The following SLC29A3 variants were observed in gnomAD, a reference collection of about 807,000 sequenced individuals.
SLC29A3 encodes the protein equilibrative nucleoside transporter 3.
Under a neutral mutation model 25.4 loss-of-function variants are expected in SLC29A3, and 18 were observed. The ratio of observed to expected loss-of-function variants is 0.71; its 90% confidence interval spans 0.49 to 1.05. The LOEUF is 1.05. Among genes scored for constraint, SLC29A3 ranks in the 50% least tolerant of loss-of-function variants. The pLI, the probability that SLC29A3 is intolerant of heterozygous loss-of-function variation, is 0.00. For missense variants in SLC29A3, 586 were observed against 609.0 expected (o/e 0.96, Z 0.40); for synonymous variants, 258 against 267.1 (o/e 0.97, Z 0.33).
chr10:71,349,621 C>T (rs1016444625), intron 3 of SLC29A3, among the ~76,000 whole-genome samples: 2 of 151,980 alleles, frequency 1.3e-5, no homozygotes, highest in Non-Finnish European at 2.9e-5. Context: ...GATGACTAGG[C>T]GAAGGAATGT....
chr10:71,356,223 G>C lies in SLC29A3; in HGVS notation c.753G>C (p.Leu251=), dbSNP rs143843071. The C allele has an allele frequency of 1.9e-6, 3 of 1,613,870 alleles. No homozygotes were observed. The highest frequency in any genetic ancestry group is 2.5e-6 in the Non-Finnish European group (3 of 1,180,000). The change falls in exon 5 of 6, where the codon CTG becomes CTC. Residue 251 remains leucine (L), a synonymous_variant. Transcript: ENST00000373189. ...LVLCMGLYLL[L]SRLEYARYYM... Reference sequence around the variant, plus strand: ...TCTGCATGGGACTCTACCTGCTGCTGTCCAGGCTGGAGTATGCCAGGTGAA... The same window carrying C: ...TCTGCATGGGACTCTACCTGCTGCTCTCCAGGCTGGAGTATGCCAGGTGAA...
chr10:71,348,324 TC>T (rs1211221392), intron 3 of SLC29A3, among the ~76,000 whole-genome samples: 6 of 152,224 alleles, frequency 3.9e-5, no homozygotes, highest in Non-Finnish European at 4.4e-5. Context: ...AACCTCTCTC[TC>T]CACTTGAATT....
chr10:71,325,423 C>T (rs1299782574), intron 2 of SLC29A3, among the ~76,000 whole-genome samples: 2 of 152,154 alleles, frequency 1.3e-5, no homozygotes, highest in East Asian at 1.9e-4. Context: ...GCACATTACC[C>T]GTCCGATGAA....
chr10:71,374,412 A>C (rs1166413135), intron 3 of SLC29A3, among the ~76,000 whole-genome samples: 2 of 152,164 alleles, frequency 1.3e-5, no homozygotes, highest in Non-Finnish European at 2.9e-5. Context: ...TTTACCTCTT[A>C]AGAGGTTTCA....
At chr10:71,370,204 T>C (rs1011795865) in intron 3 of SLC29A3, among the ~76,000 whole-genome samples, 4 of 152,196 alleles carry the variant, frequency 2.6e-5, no homozygotes, top group Non-Finnish European at 5.9e-5. Context: ...GGATCTCAGG[T>C]GCCACATGCC....
intron 2 of SLC29A3, among the ~76,000 whole-genome samples, chr10:71,338,766 GAAAA>G (rs973167905): frequency 6.6e-6 from 1 of 151,134 alleles, no homozygotes; most frequent in African/African-American, 2.4e-5. Context: ...CGAAAAAAAA[GAAAA>G]AAAAATCAAA....
intron 2 of SLC29A3, among the ~76,000 whole-genome samples, chr10:71,334,545 T>G (rs193022197): frequency 3.1e-4 from 47 of 152,344 alleles, no homozygotes; most frequent in Middle Eastern, 6.8e-3. Context: ...AGATGGGCAG[T>G]TCCATAAAGG....
At chr10:71,361,811 CAG>C in intron 5 of SLC29A3, 141 bp from the exon 6 acceptor site, 1 of 957,886 alleles carries the variant, frequency 1.0e-6, no homozygotes, top group Non-Finnish European at 1.6e-6. Flanking sequence ...TCTGTCATCT[CAG>C]GGAACGCTGG....
In SLC29A3 at chr10:71,362,541, C is replaced by T; in HGVS notation, c.1361C>T (p.Ser454Phe). 1 of 1,614,168 alleles carries T rather than the reference C, an allele frequency of 6.2e-7. No homozygotes were observed. Residue 454 changes from serine (S) to phenylalanine (F), a missense_variant, in exon 6 of 6, where the codon TCC becomes TTC. By Grantham distance (155) the Ser-to-Phe change is radical. Transcript: ENST00000373189. ...GCTGAGGCCACGGGAGTGGTGATGT[C>T]CTTTTATGTGTGCTTGGGCTTAACA... is the stretch of plus-strand genomic sequence containing the variant. ...ELAEATGVVMSFYVCLGLTLG... is the reference protein window; with the variant it reads ...ELAEATGVVMFFYVCLGLTLG...
intron 5 of SLC29A3, among the ~76,000 whole-genome samples, chr10:71,361,318 T>C (rs757018766): frequency 1.3e-5 from 2 of 151,828 alleles, no homozygotes; most frequent in Admixed American, 6.5e-5. Context: ...TCTTTTATTT[T>C]ACAATTATTA....
intron 2 of SLC29A3, among the ~76,000 whole-genome samples, chr10:71,336,648 G>A (rs1203338720): frequency 2.0e-5 from 3 of 151,768 alleles, no homozygotes; most frequent in African/African-American, 7.3e-5. Context: ...CAGCAGTGAG[G>A]GAAAGAGAAA....
chr10:71,342,293 A>G (rs1199067502), intron 2 of SLC29A3, among the ~76,000 whole-genome samples: 1 of 152,110 alleles, frequency 6.6e-6, no homozygotes, highest in Admixed American at 6.5e-5. Flanking sequence ...TCCTGTCACC[A>G]TGTGCATCTC....
At chr10:71,319,408 G>A in intron 1 of SLC29A3, 98 bp downstream of exon 1, 1 of 533,890 alleles carries the variant, frequency 1.9e-6, no homozygotes, top group Non-Finnish European at 3.3e-6. Context: ...GGCGGCTGCG[G>A]GCTGCCAGGG....
At chr10:71,356,670 T>TA (rs1050316932) in intron 5 of SLC29A3, among the ~76,000 whole-genome samples, 1 of 151,814 alleles carries the variant, frequency 6.6e-6, no homozygotes, top group Non-Finnish European at 1.5e-5. Context: ...CTACAAAAAA[T>TA]AAAAAATTAG....
chr10:71,323,157 A>T, intron 2 of SLC29A3, 103 bp downstream of exon 2: 1 of 1,444,034 alleles, frequency 6.9e-7, no homozygotes, highest in East Asian at 2.3e-5. Context: ...CAGCCTTTAG[A>T]TCACTTACTG....
At chr10:71,329,237 G>A in intron 2 of SLC29A3, among the ~76,000 whole-genome samples, 1 of 152,164 alleles carries the variant, frequency 6.6e-6, no homozygotes, top group Admixed American at 6.5e-5. Flanking sequence ...TAACCAGCGT[G>A]TTCTCCAAGC....
chr10:71,367,577 C>A (rs1166034044), downstream of SLC29A3, among the ~76,000 whole-genome samples: 1 of 152,202 alleles, frequency 6.6e-6, no homozygotes, highest in African/African-American at 2.4e-5. Context: ...ACAGTGCACA[C>A]CCCCTACTGC....
chr10:71,361,871 T>G, intron 5 of SLC29A3, 83 bp from the exon 6 acceptor site: 1 of 1,541,984 alleles, frequency 6.5e-7, no homozygotes, highest in Non-Finnish European at 8.9e-7. Context: ...GCTGGAAGGT[T>G]CTGTTCTGAG....
chr10:71,333,574 A>G (rs1183062194), intron 2 of SLC29A3, among the ~76,000 whole-genome samples: 1 of 152,258 alleles, frequency 6.6e-6, no homozygotes, highest in Non-Finnish European at 1.5e-5. Context: ...CCACCTCCTC[A>G]TTACCACCAG....
Sources: allele counts gnomAD v4.1 joint callset (sites outside exome capture counted in the v4.1 genomes callset), GRCh38; gene constraint gnomAD v4.1.1; transcripts MANE v1.5; gene names NCBI Gene and HGNC (gene_info 2026-07-23, HGNC 2026-07-21).